GPAT3: variants seen among roughly 807,000 people sequenced by gnomAD.
The protein encoded by GPAT3 is 1-AGP acyltransferase 9.
GPAT3 carries 53 observed loss-of-function variants against 58.8 expected under a neutral mutation model. The ratio of observed to expected loss-of-function variants is 0.90; its 90% CI spans 0.72 to 1.13. The LOEUF (loss-of-function observed/expected upper bound fraction) is 1.13. Among genes scored for constraint, GPAT3 ranks in the 50% most tolerant of loss-of-function variants. The pLI is 0.00. For synonymous variants in GPAT3, 197 were observed against 187.4 expected, an observed-to-expected ratio of 1.05 and a Z score of -0.42; for missense variants, 511 against 527.6, an observed-to-expected ratio of 0.97 and a Z score of 0.31.
At chr4:83,583,654 G>A (rs1467163996) in intron 3 of GPAT3, among the ~76,000 whole-genome samples, 1 of 112,714 alleles carries the variant, frequency 8.9e-6, no homozygotes, top group Non-Finnish European at 1.7e-5. Context: ...GTGACAGAGC[G>A]AGACTCTTGT....
intron 2 of GPAT3, among the ~76,000 whole-genome samples, chr4:83,569,106 G>A (rs1725510601): frequency 6.6e-6 from 1 of 152,168 alleles, no homozygotes; most frequent in Non-Finnish European, 1.5e-5. Context: ...GTTTAACATA[G>A]ATCTGTTGTT....
intron 2 of GPAT3, among the ~76,000 whole-genome samples, chr4:83,555,599 T>C (rs886962964): frequency 6.6e-6 from 1 of 152,234 alleles, no homozygotes; most frequent in Non-Finnish European, 1.5e-5. Context: ...ATTTGTGTGC[T>C]TTAAAATATC....
At chr4:83,571,695 T>C (rs199741685) in intron 2 of GPAT3, among the ~76,000 whole-genome samples, 44 of 102,456 alleles carry the variant, frequency 4.3e-4, no homozygotes, top group Non-Finnish European at 8.2e-4. Context: ...TATATATATA[T>C]ATACACACAC....
intron 2 of GPAT3, among the ~76,000 whole-genome samples, chr4:83,557,022 T>A (rs2110079526): frequency 6.6e-6 from 1 of 152,258 alleles, no homozygotes; most frequent in South Asian, 2.1e-4. Flanking sequence ...ACCTTTCTTA[T>A]AAGGGCAATA....
rs1560620774 is a variant in GPAT3 at position 83,578,990 on chromosome 4, TTCCTTCCTTCCTTCC to T, written c.209-2570_209-2556del. Among the ~76,000 whole-genome samples, 378 of 132,358 alleles carry T rather than the reference TTCCTTCCTTCCTTCC, an allele frequency of 2.9e-3. 27 individuals carry two copies. Among genetic ancestry groups the T allele is most frequent in the African/African-American group, 0.012 (358 of 30,790 alleles). 86.8% of individuals were successfully genotyped at this position (132,358 alleles called of 152,430 possible). ...TTTCTTTCTTTCTTTCTTTCTTTCC[TTCCTTCCTTCCTTCC>T]TTCCTTCTTTCCCTTTCTTTCTTTC... On this transcript the variant is annotated intron_variant, in intron 2 of 11. Transcript: ENST00000264409.
chr4:83,579,019 T>TTTCC lies in GPAT3; in HGVS notation c.209-2540_209-2539insCTTC, dbSNP rs1393858841. ...TTCCTTCCTTCCTTCCTTCTTTCCC[T>TTTCC]TTCTTTCTTTCTTTCTTTCTTTCTT... On this transcript the variant is annotated intron_variant, in intron 2 of 11. Coordinates refer to ENST00000264409, the MANE Select transcript of GPAT3 (RefSeq NM_032717.5). 5.2e-3 allele frequency among the ~76,000 whole-genome samples: 66 copies of TTTCC among 12,776 alleles called. 1 individual carries two copies. The highest frequency in any genetic ancestry group is 8.7e-3 in the Non-Finnish European group (54 of 6,220). The allele number at this position is 12,776 out of a possible 152,430, so 8.4% of individuals were successfully genotyped here. A position where few individuals can be genotyped will look rare whatever the true frequency, so the allele number is the denominator to read the frequency against.
At chr4:83,598,846 G>A in intron 11 of GPAT3, 123 bp downstream of exon 11, 1 of 665,010 alleles carries the variant, frequency 1.5e-6, no homozygotes, top group Non-Finnish European at 2.4e-6. Context: ...ATAGTTCACT[G>A]TAGCCTGATC....
chr4:83,542,062 A>G (rs1724324954), intron 1 of GPAT3, among the ~76,000 whole-genome samples: 1 of 152,216 alleles, frequency 6.6e-6, no homozygotes, highest in African/African-American at 2.4e-5. Context: ...GCTTCAACAT[A>G]TGAATTTCGG....
intron 2 of GPAT3, among the ~76,000 whole-genome samples, chr4:83,566,949 T>G (rs1725417480): frequency 6.6e-6 from 1 of 152,146 alleles, no homozygotes; most frequent in African/African-American, 2.4e-5. Context: ...TCTAAATAAT[T>G]GTTGTTCATG....
At chr4:83,603,618 C>T (rs1225706116) in intron 11 of GPAT3, among the ~76,000 whole-genome samples, 1 of 151,992 alleles carries the variant, frequency 6.6e-6, no homozygotes, top group Non-Finnish European at 1.5e-5. Context: ...TGGAAAAACC[C>T]TGTCTCTATT....
chr4:83,562,068 G>A (rs1725144983), intron 2 of GPAT3, among the ~76,000 whole-genome samples: 1 of 149,856 alleles, frequency 6.7e-6, no homozygotes, highest in Admixed American at 6.7e-5. Flanking sequence ...AACTCAGAAT[G>A]ATTTCAGGAA....
In GPAT3 at chr4:83,579,073, T is replaced by TC. The variant is rs1560621343; in HGVS notation, c.209-2488dup. On this transcript the variant is annotated intron_variant, in intron 2 of 11. Transcript: ENST00000264409. ...TTCTTTCTTTCTTTCTTTCTTTCTT[T>TC]CTTTCTTCCCTTCCTTCCTTCCTTC... is the stretch of plus-strand genomic sequence containing the variant. 3.9e-3 allele frequency among the ~76,000 whole-genome samples: 121 copies of TC among 31,386 alleles called. 12 individuals carry two copies. The highest frequency in any genetic ancestry group is 8.0e-3 in the African/African-American group (67 of 8,368). 20.6% of individuals were successfully genotyped at this position (31,386 alleles called of 152,430 possible). A position where few individuals can be genotyped will look rare whatever the true frequency, so the allele number is the denominator to read the frequency against.
intron 3 of GPAT3, among the ~76,000 whole-genome samples, chr4:83,584,416 A>G (rs972261150): frequency 1.3e-5 from 2 of 152,238 alleles, no homozygotes; most frequent in African/African-American, 4.8e-5. Flanking sequence ...CACCTACTAC[A>G]AAATGAGCTT....
At position 83,578,959 on chromosome 4, in the gene GPAT3, T is replaced by TCTTTCTTTCTTG. The variant is rs1560620628; in HGVS notation, c.209-2592_209-2591insGCTTTCTTTCTT. On this transcript the variant is annotated intron_variant, in intron 2 of 11. Coordinates refer to ENST00000264409, the MANE Select transcript of GPAT3 (RefSeq NM_032717.5). ...TTTCTTTTCTTTTCTTTTCTTTCTT[T>TCTTTCTTTCTTG]CTTTCTTTCTTTCTTTCTTTCTTTC... is the stretch of plus-strand genomic sequence containing the variant. 3.3e-3 allele frequency among the ~76,000 whole-genome samples: 400 copies of TCTTTCTTTCTTG among 121,076 alleles called. 22 individuals are homozygous for TCTTTCTTTCTTG. Among genetic ancestry groups the TCTTTCTTTCTTG allele is most frequent in the African/African-American group, 0.013 (371 of 28,758 alleles). 79.4% of individuals were successfully genotyped at this position (121,076 alleles called of 152,430 possible).
intron 11 of GPAT3, 60 bp downstream of exon 11, chr4:83,598,783 TTTTTAGAG>T: frequency 9.1e-7 from 1 of 1,102,272 alleles, no homozygotes. Flanking sequence ...TTTTTTTTTT[TTTTTAGAG>T]AATGCCTCAC....
At position 83,549,515 on chromosome 4, in the gene GPAT3, T is replaced by A. The variant is rs1180667964; in HGVS notation, c.208+4913T>A. On this transcript the variant is annotated intron_variant, in intron 2 of 11. Coordinates refer to ENST00000264409, the MANE Select transcript of GPAT3 (RefSeq NM_032717.5). ...TATGTATTAGTATGTGAAATATATA[T>A]GATTAATACATAATATATATTATTA... Among the ~76,000 whole-genome samples, 5 of 148,972 alleles carry A rather than the reference T, an allele frequency of 3.4e-5. No homozygotes were observed. In the South Asian group the frequency reaches 1.0e-3, roughly 31 times the overall value.
At chr4:83,595,536 G>A (rs7689879) in intron 7 of GPAT3, among the ~76,000 whole-genome samples, 82,022 of 151,760 alleles carry the variant, frequency 0.54, 22,898 homozygotes, top group Middle Eastern at 0.73. Flanking sequence ...AGCCTGGGCA[G>A]TATAGTGAGA....
chr4:83,561,665 C>G lies in GPAT3; in HGVS notation c.208+17063C>G, dbSNP rs1010953649. On this transcript the variant is annotated intron_variant, in intron 2 of 11. Transcript: ENST00000264409. ...CAGCATCTGATGTTCCACTGGCATA[C>G]TGTACAAAAAGTATAAGCCCAACTG... Among the ~76,000 whole-genome samples, 7 of 152,188 alleles carry G rather than the reference C, an allele frequency of 4.6e-5. No individual in the cohort carries two copies. The South Asian group carries it at 1.5e-3, about 32-fold the overall frequency.
intron 3 of GPAT3, among the ~76,000 whole-genome samples, chr4:83,583,667 G>GAAGAAAAAAAAAAAA (rs760151577): frequency 4.3e-5 from 1 of 23,462 alleles, no homozygotes. Context: ...ACTCTTGTCT[G>GAAGAAAAAAAAAAAA]AAAAAAAAAA....
Sources: allele counts gnomAD v4.1 joint callset (sites outside exome capture counted in the v4.1 genomes callset), GRCh38; gene constraint gnomAD v4.1.1; transcripts MANE v1.5; gene names NCBI Gene and HGNC (gene_info 2026-07-23, HGNC 2026-07-21).